Variants in MAP3K7CL observed in about 807,000 individuals in gnomAD.
MAP3K7CL encodes MAP3K7 C-terminal-like protein.
A neutral mutation model predicts 18.6 loss-of-function variants in MAP3K7CL; 16 were observed. That is an observed-to-expected ratio of 0.86 (90% CI 0.58 to 1.31). MAP3K7CL has a LOEUF of 1.31. Among genes scored for constraint, MAP3K7CL ranks in the 50% most tolerant of loss-of-function variants. The pLI is 0.00. For synonymous variants in MAP3K7CL, 65 were observed against 66.8 expected, an observed-to-expected ratio of 0.97 and a Z score of 0.13; for missense variants, 163 against 174.4, an observed-to-expected ratio of 0.93 and a Z score of 0.37.
intron 1 of MAP3K7CL, among the ~76,000 whole-genome samples, chr21:29,089,624 C>T (rs2085987538): frequency 6.6e-6 from 1 of 152,156 alleles, no homozygotes; most frequent in South Asian, 2.1e-4. Context: ...TTTACTTTGT[C>T]TGCCAGATTG....
chr21:29,144,267 C>T (rs1017912779), intron 2 of MAP3K7CL, among the ~76,000 whole-genome samples: 4 of 151,900 alleles, frequency 2.6e-5, no homozygotes, highest in East Asian at 1.9e-4. Flanking sequence ...TGGGTTCAAG[C>T]GATTCTTCTG....
chr21:29,147,359 CTGTA>C (rs1035062005), intron 2 of MAP3K7CL, among the ~76,000 whole-genome samples: 4 of 151,608 alleles, frequency 2.6e-5, no homozygotes, highest in African/African-American at 4.8e-5. Context: ...TGTATGTGTA[CTGTA>C]TGTATGTACT....
chr21:29,162,229 T>A (rs1285566868), intron 4 of MAP3K7CL, among the ~76,000 whole-genome samples: 2 of 152,078 alleles, frequency 1.3e-5, no homozygotes, highest in Non-Finnish European at 2.9e-5. Context: ...AGAAAAATCC[T>A]CAGTAATTAT....
intron 4 of MAP3K7CL, among the ~76,000 whole-genome samples, chr21:29,106,510 G>A (rs1217572170): frequency 1.3e-5 from 2 of 152,188 alleles, no homozygotes; most frequent in Non-Finnish European, 2.9e-5. Flanking sequence ...GGCTTGGAGA[G>A]CATTGCTGAG....
intron 2 of MAP3K7CL, among the ~76,000 whole-genome samples, chr21:29,135,057 A>T (rs1310699510): frequency 6.7e-6 from 1 of 149,760 alleles, no homozygotes; most frequent in Non-Finnish European, 1.5e-5. Flanking sequence ...TCTCAAAAAA[A>T]AAACAAAAAA....
intron 4 of MAP3K7CL, among the ~76,000 whole-genome samples, chr21:29,119,916 C>T (rs2086564506): frequency 1.3e-5 from 2 of 152,096 alleles, no homozygotes; most frequent in South Asian, 2.1e-4. Context: ...CCATCCACCT[C>T]GGCCTCCCAG....
At chr21:29,143,381 C>T (rs957979414) in intron 2 of MAP3K7CL, among the ~76,000 whole-genome samples, 1 of 151,764 alleles carries the variant, frequency 6.6e-6, no homozygotes, top group Admixed American at 6.6e-5. Context: ...GCATGGCTTT[C>T]CCTCTCCTGA....
At chr21:29,157,434 A>G (rs1326560863) in intron 3 of MAP3K7CL, among the ~76,000 whole-genome samples, 2 of 152,204 alleles carry the variant, frequency 1.3e-5, no homozygotes, top group Non-Finnish European at 2.9e-5. Context: ...GCTGAGTTTT[A>G]TGTCAAGTTG....
At chr21:29,096,421 A>G (rs2086122754) in intron 4 of MAP3K7CL, among the ~76,000 whole-genome samples, 1 of 152,210 alleles carries the variant, frequency 6.6e-6, no homozygotes, top group Non-Finnish European at 1.5e-5. Flanking sequence ...ATGATAGGGA[A>G]AGCACAAAGT....
At chr21:29,102,751 A>T (rs2086255317) in intron 4 of MAP3K7CL, 2 of 152,190 alleles carry the variant, frequency 1.3e-5, no homozygotes, top group African/African-American at 4.8e-5. Flanking sequence ...CGGAATATGT[A>T]TAATTAGGTC....
chr21:29,158,780 T>C (rs1212668408), intron 3 of MAP3K7CL, among the ~76,000 whole-genome samples: 3 of 152,026 alleles, frequency 2.0e-5, no homozygotes, highest in Non-Finnish European at 4.4e-5. Flanking sequence ...AGAGAGACCA[T>C]TGTGAAGAAA....
intron 4 of MAP3K7CL, among the ~76,000 whole-genome samples, chr21:29,107,646 C>T (rs2086347464): frequency 6.6e-6 from 1 of 152,096 alleles, no homozygotes; most frequent in East Asian, 1.9e-4. Flanking sequence ...TCTTGAGCTG[C>T]AGCAGCCATG....
intron 4 of MAP3K7CL, among the ~76,000 whole-genome samples, chr21:29,097,137 AG>A (rs1280048981): frequency 6.6e-6 from 1 of 152,116 alleles, no homozygotes; most frequent in Non-Finnish European, 1.5e-5. Context: ...TTAGTGGGAA[AG>A]GAGTTGCAGT....
At chr21:29,150,584 C>T (rs1425457229) in intron 3 of MAP3K7CL, among the ~76,000 whole-genome samples, 2 of 152,072 alleles carry the variant, frequency 1.3e-5, no homozygotes, top group Non-Finnish European at 2.9e-5. Context: ...TCTGTCGTCC[C>T]CTAAAATTTC....
chr21:29,084,594 G>T (rs1437958900), upstream of MAP3K7CL, among the ~76,000 whole-genome samples: 1 of 152,170 alleles, frequency 6.6e-6, no homozygotes. Flanking sequence ...ATCAAGGGAG[G>T]ATCTATGTGT....
intron 3 of MAP3K7CL, among the ~76,000 whole-genome samples, chr21:29,152,626 C>T (rs1045856203): frequency 3.3e-5 from 5 of 152,120 alleles, no homozygotes; most frequent in African/African-American, 4.8e-5. Flanking sequence ...TTGTCAGCCC[C>T]GTTCTCTGCA....
intron 4 of MAP3K7CL, chr21:29,109,854 C>A: frequency 1.1e-6 from 1 of 931,420 alleles, no homozygotes; most frequent in Non-Finnish European, 1.3e-6. Flanking sequence ...AGTGGGATTT[C>A]TGGGTCAAAG....
rs759572712 is a variant in MAP3K7CL at position 29,130,779 on chromosome 21, T to G, written c.-184T>G. 2 of 985,546 alleles carry G rather than the reference T, an allele frequency of 2.0e-6. No homozygotes were observed. Among genetic ancestry groups the G allele is most frequent in the Non-Finnish European group, 2.4e-6 (2 of 830,018 alleles). 61.1% of individuals were successfully genotyped at this position (985,546 alleles called of 1,614,324 possible). On this transcript the variant is annotated 5_prime_UTR_variant, in exon 1 of 5. Transcript: ENST00000399928. Reference sequence around the variant, plus strand: ...GGTAGCAGCGTGCTGCCCTGACAGCTGTCTCCGCTCCTCAGATTGTCAGTG... The same window carrying G: ...GGTAGCAGCGTGCTGCCCTGACAGCGGTCTCCGCTCCTCAGATTGTCAGTG...
chr21:29,104,428 G>A (rs1042073838), intron 4 of MAP3K7CL, among the ~76,000 whole-genome samples: 3 of 152,172 alleles, frequency 2.0e-5, no homozygotes, highest in East Asian at 1.9e-4. Context: ...TGTTGGTGAT[G>A]CCTGTAGTAG....
Sources: gnomAD v4.1 joint callset for allele counts (sites outside exome capture counted in the v4.1 genomes callset) on GRCh38, gnomAD v4.1.1 for gene constraint, MANE v1.5 for transcripts, NCBI Gene and HGNC (gene_info 2026-07-23, HGNC 2026-07-21) for gene names.